The following KCND3 variants were observed in gnomAD, a reference collection of about 807,000 sequenced individuals.
KCND3 encodes A-type voltage-gated potassium channel KCND3.
KCND3 carries 9 observed loss-of-function variants against 51.1 expected under a neutral mutation model. The ratio of observed to expected loss-of-function variants is 0.18; its 90% CI spans 0.11 to 0.31. The LOEUF is 0.31. KCND3 is among the 10% of genes least tolerant of loss of function. KCND3 has a pLI of 1.00. For missense variants in KCND3, 526 were observed against 903.8 expected (o/e 0.58, Z 5.36); for synonymous variants, 349 against 368.0 (o/e 0.95, Z 0.59).
intron 2 of KCND3, among the ~76,000 whole-genome samples, chr1:111,952,881 T>C (rs1673129162): frequency 1.3e-5 from 2 of 152,128 alleles, no homozygotes; most frequent in South Asian, 2.1e-4. Flanking sequence ...CAGCTCTTCC[T>C]CTTGCAGAAG....
At position 111,775,819 on chromosome 1, in the gene KCND3, A is replaced by AG; in HGVS notation, c.*257_*258insC. The AG allele has an allele frequency of 1.3e-3, 128 of 97,704 alleles. 10 individuals carry two copies. Among genetic ancestry groups the AG allele is most frequent in the Middle Eastern group, 4.5e-3 (1 of 220 alleles). The allele number at this position is 97,704 out of a possible 1,614,324, so 6.1% of individuals were successfully genotyped here. On this transcript the variant is annotated 3_prime_UTR_variant, in exon 8 of 8. Transcript: ENST00000302127. Reference sequence around the variant, plus strand: ...GCCTATATCCCCCGGCCTATCCCCGACCCCCCCACCCTCCCTCCCTTCCTC... The same window carrying AG: ...GCCTATATCCCCCGGCCTATCCCCGAGCCCCCCCACCCTCCCTCCCTTCCTC...
At chr1:111,888,681 CAAAAAA>C (rs34732548) in intron 2 of KCND3, among the ~76,000 whole-genome samples, 1 of 103,608 alleles carries the variant, frequency 9.7e-6, no homozygotes, top group African/African-American at 3.6e-5. Flanking sequence ...CACTCCATCT[CAAAAAA>C]AAAAAAAAAA....
At chr1:111,842,246 C>G (rs1571725106) in intron 2 of KCND3, among the ~76,000 whole-genome samples, 1 of 152,184 alleles carries the variant, frequency 6.6e-6, no homozygotes, top group South Asian at 2.1e-4. Context: ...CAGTGCTGGG[C>G]TCCACATAGG....
chr1:111,819,859 G>A (rs1487311821), intron 2 of KCND3, among the ~76,000 whole-genome samples: 4 of 152,192 alleles, frequency 2.6e-5, no homozygotes, highest in African/African-American at 9.7e-5. Context: ...AGCCATGACT[G>A]AGTCCAAGGA....
At chr1:111,928,210 G>A (rs1440378090) in intron 2 of KCND3, among the ~76,000 whole-genome samples, 1 of 152,142 alleles carries the variant, frequency 6.6e-6, no homozygotes, top group Admixed American at 6.5e-5. Context: ...GATTAGAACA[G>A]TGTCTGTCGC....
intron 2 of KCND3, among the ~76,000 whole-genome samples, chr1:111,952,598 G>A (rs1375111559): frequency 1.3e-5 from 2 of 152,146 alleles, no homozygotes; most frequent in Admixed American, 1.3e-4. Flanking sequence ...CGAGGTAGCT[G>A]GAAAAAGAGG....
intron 2 of KCND3, among the ~76,000 whole-genome samples, chr1:111,850,893 C>G (rs553553263): frequency 6.6e-6 from 1 of 152,222 alleles, no homozygotes; most frequent in Non-Finnish European, 1.5e-5. Flanking sequence ...ACATGAGAAA[C>G]CCCGTGTGGG....
At chr1:111,904,059 G>A (rs1033456011) in intron 2 of KCND3, among the ~76,000 whole-genome samples, 3 of 151,490 alleles carry the variant, frequency 2.0e-5, no homozygotes, top group Non-Finnish European at 4.4e-5. Context: ...CTGGTGTGCT[G>A]AATCCCTTTC....
intron 2 of KCND3, among the ~76,000 whole-genome samples, chr1:111,794,816 G>A (rs1332253872): frequency 2.0e-5 from 3 of 152,228 alleles, no homozygotes; most frequent in African/African-American, 7.2e-5. Context: ...CCCCTCCCAT[G>A]AGTAGACACT....
chr1:111,949,391 G>A (rs1014324645), intron 2 of KCND3, among the ~76,000 whole-genome samples: 1 of 152,180 alleles, frequency 6.6e-6, no homozygotes, highest in Non-Finnish European at 1.5e-5. Context: ...ACCTAGGGCT[G>A]GATGCTGGCA....
chr1:111,805,214 C>A (rs1210587926), intron 2 of KCND3, among the ~76,000 whole-genome samples: 1 of 147,836 alleles, frequency 6.8e-6, no homozygotes, highest in Non-Finnish European at 1.5e-5. Flanking sequence ...GGAATATCAA[C>A]CCCAACAGGG....
At chr1:111,922,946 C>A (rs1407041953) in intron 2 of KCND3, among the ~76,000 whole-genome samples, 1 of 152,174 alleles carries the variant, frequency 6.6e-6, no homozygotes, top group Non-Finnish European at 1.5e-5. Context: ...AGGCTAATGT[C>A]TGGGGGTAAA....
At chr1:111,891,070 C>T (rs931370431) in intron 2 of KCND3, among the ~76,000 whole-genome samples, 1 of 152,174 alleles carries the variant, frequency 6.6e-6, no homozygotes, top group Non-Finnish European at 1.5e-5. Context: ...GGGTCAGAAA[C>T]CAGCTCTCCA....
chr1:111,985,464 G>A (rs553581590), intron 1 of KCND3, among the ~76,000 whole-genome samples: 1 of 152,256 alleles, frequency 6.6e-6, no homozygotes, highest in Admixed American at 6.5e-5. Context: ...AAGCTCTTTC[G>A]GGCAAAGGCC....
rs181996212 is a variant in KCND3, at chr1:111,818,073, C to A, written c.1107-30967G>T. On this transcript the variant is annotated intron_variant, in intron 2 of 7. Coordinates refer to ENST00000302127, the MANE Select transcript of KCND3 (RefSeq NM_001378969.1). ...ACACACACACACACACACACACACA[C>A]ACACAGAATTATGAGGCAGCTGTCT... Among the ~76,000 whole-genome samples, 817 of 147,130 alleles carry A rather than the reference C, an allele frequency of 5.6e-3. 16 individuals are homozygous for A. Among genetic ancestry groups the A allele is most frequent in the Admixed American group, 0.034 (512 of 14,938 alleles).
At chr1:111,929,570 C>T (rs1356768702) in intron 2 of KCND3, among the ~76,000 whole-genome samples, 1 of 152,242 alleles carries the variant, frequency 6.6e-6, no homozygotes, top group African/African-American at 2.4e-5. Flanking sequence ...CCAGTTGCTT[C>T]TCACCTCTGA....
intron 2 of KCND3, among the ~76,000 whole-genome samples, chr1:111,823,065 C>T (rs746400985): frequency 2.5e-4 from 38 of 152,140 alleles, no homozygotes; most frequent in Admixed American, 2.2e-3. Flanking sequence ...TGGCTATGGG[C>T]GGAATCACAG....
At chr1:111,863,984 G>T (rs1668447028) in intron 2 of KCND3, among the ~76,000 whole-genome samples, 1 of 152,148 alleles carries the variant, frequency 6.6e-6, no homozygotes, top group South Asian at 2.1e-4. Context: ...GGGAAGGAAA[G>T]AATGGAATCT....
Position 111,825,315 on chromosome 1 carries a change from A to C in KCND3, c.1107-38209T>G, listed in dbSNP as rs1433818034. On this transcript the variant is annotated intron_variant, in intron 2 of 7. Transcript: ENST00000302127. ...CAGGATTCTTCCTACTTTGTGGCAC[A>C]ATGGCCCATCAGCTCAGGTTGTTCT... 2.6e-5 allele frequency among the ~76,000 whole-genome samples: 4 copies of C among 152,130 alleles called. No homozygotes were observed. In the East Asian group the frequency reaches 7.7e-4, roughly 29 times the overall value.
Sources: allele counts gnomAD v4.1 joint callset (sites outside exome capture counted in the v4.1 genomes callset), GRCh38; gene constraint gnomAD v4.1.1; transcripts MANE v1.5; gene names NCBI Gene and HGNC (gene_info 2026-07-23, HGNC 2026-07-21).